Variants in COL5A2 observed in about 807,000 individuals in gnomAD.
COL5A2 encodes the protein collagen type V alpha 2 chain.
COL5A2 carries 23 observed loss-of-function variants against 208.2 expected under a neutral mutation model. That is an observed-to-expected ratio of 0.11 (90% CI 0.08 to 0.16). The LOEUF is 0.16. COL5A2 is among the 10% of genes least tolerant of loss of function. COL5A2 has a pLI of 1.00. For missense variants in COL5A2, 1,590 were observed against 1,956.4 expected, an observed-to-expected ratio of 0.81 and a Z score of 3.53; for synonymous variants, 625 against 628.5, an observed-to-expected ratio of 0.99 and a Z score of 0.08.
In COL5A2 at chr2:189,072,106, AC is replaced by A; in HGVS notation, c.1105-14del. 6.3e-7 allele frequency: 1 copy of A among 1,596,934 alleles called. No individual in the cohort carries two copies. The highest frequency in any genetic ancestry group is 8.6e-7 in the Non-Finnish European group (1 of 1,166,380). On this transcript the variant is annotated splice_polypyrimidine_tract_variant and intron_variant, in intron 17 of 53. Transcript: ENST00000374866. ...TCCCAAGAGGACCCTATTAAAAGAAACCAGAAAAGTAATCAGACATGTATTC... is the reference window on the plus strand; with the variant it reads ...TCCCAAGAGGACCCTATTAAAAGAAACAGAAAAGTAATCAGACATGTATTC...
At chr2:189,387,824 T>C in the COL5A2 span, among the ~76,000 whole-genome samples, 272 of 152,308 alleles carry the variant, frequency 1.8e-3, 1 homozygote, top group Admixed American at 3.7e-3. Context: ...AGTAATCTTA[T>C]AGAAAGATGG....
chr2:189,242,340 A>C, the COL5A2 span, among the ~76,000 whole-genome samples: 2 of 152,218 alleles, frequency 1.3e-5, no homozygotes, highest in African/African-American at 4.8e-5. Flanking sequence ...TATGGTAGGT[A>C]CTGTTATTTT....
the COL5A2 span, among the ~76,000 whole-genome samples, chr2:189,330,595 T>C: frequency 6.6e-6 from 1 of 152,208 alleles, no homozygotes; most frequent in East Asian, 1.9e-4. Context: ...CAGAAATCTC[T>C]GTCCGTTGAG....
At chr2:189,145,400 A>C (rs527596771) in intron 1 of COL5A2, among the ~76,000 whole-genome samples, 10 of 152,302 alleles carry the variant, frequency 6.6e-5, no homozygotes, top group African/African-American at 9.6e-5. Context: ...CAGTAATGCA[A>C]ATATACTATA....
chr2:189,208,995 G>A lies in COL5A2; in HGVS notation c.-42+16153C>T, dbSNP rs537401245. 1.1e-4 allele frequency among the ~76,000 whole-genome samples: 17 copies of A among 152,242 alleles called. 1 individual carries two copies. Among genetic ancestry groups the A allele is most frequent in the South Asian group, 6.2e-4 (3 of 4,818 alleles). On this transcript the variant is annotated intron_variant, in intron 1 of 10. Coordinates refer to the COL5A2 transcript ENST00000649966. ...ACAACTGGCCTCATCTGGCCCCCTC[G>A]GAGGTACTAGTAGCATGCAGGCAGT... is the stretch of plus-strand genomic sequence containing the variant.
chr2:189,158,420 T>G (rs927600558), intron 1 of COL5A2, among the ~76,000 whole-genome samples: 4 of 151,844 alleles, frequency 2.6e-5, no homozygotes, highest in Admixed American at 2.6e-4. Context: ...ATTCAAGAGG[T>G]CCCTAACATT....
the COL5A2 span, among the ~76,000 whole-genome samples, chr2:189,248,320 A>C: frequency 2.6e-5 from 4 of 152,316 alleles, no homozygotes; most frequent in African/African-American, 9.6e-5. Flanking sequence ...AAAATTGGAG[A>C]AGAAACAGAT....
Position 189,083,975 on chromosome 2 carries a change from T to TCC in COL5A2, c.852+8_852+9insGG, listed in dbSNP as rs1422850808. ...TCAAAGTTTGCCTTTATGTTGAGTA[T>TCC]AAACTTACCGGAGATCCTGCAAATC... On this transcript the variant is annotated intron_variant, in intron 12 of 53. Transcript: ENST00000374866. The TCC allele has an allele frequency of 6.2e-7, 1 of 1,606,094 alleles. No homozygotes were observed. The highest frequency in any genetic ancestry group is 8.5e-7 in the Non-Finnish European group (1 of 1,172,926).
At chr2:189,116,769 G>A (rs1559111900) in intron 1 of COL5A2, among the ~76,000 whole-genome samples, 1 of 152,278 alleles carries the variant, frequency 6.6e-6, no homozygotes, top group South Asian at 2.1e-4. Flanking sequence ...CTGAACAAGA[G>A]TAGGCATTCA....
chr2:189,405,943 G>A, the COL5A2 span, among the ~76,000 whole-genome samples: 8 of 152,192 alleles, frequency 5.3e-5, no homozygotes, highest in South Asian at 2.1e-4. Context: ...TAAAATCCCC[G>A]TTTTCTATTT....
the COL5A2 span, among the ~76,000 whole-genome samples, chr2:189,332,457 A>T: frequency 6.6e-6 from 1 of 152,190 alleles, no homozygotes; most frequent in African/African-American, 2.4e-5. Context: ...CTCCAACCAA[A>T]TCGCATCTTG....
In COL5A2 at chr2:189,103,214, G is replaced by A. The variant is rs557217831; in HGVS notation, c.336+1050C>T. ...ATCTGCTAAGTTTCAATTTATTTTC[G>A]TTTTCACAATAAATTAAATGTGAAA... On this transcript the variant is annotated intron_variant, in intron 3 of 53. Coordinates refer to ENST00000374866, the MANE Select transcript of COL5A2 (RefSeq NM_000393.5). 4.0e-5 allele frequency among the ~76,000 whole-genome samples: 6 copies of A among 151,898 alleles called. No homozygotes were observed. In the South Asian group the frequency reaches 8.3e-4, roughly 21 times the overall value.
chr2:189,094,892 C>G (rs573699250), intron 6 of COL5A2, among the ~76,000 whole-genome samples: 1 of 151,240 alleles, frequency 6.6e-6, no homozygotes, highest in African/African-American at 2.4e-5. Context: ...GTATCTCATA[C>G]TGAACTACTG....
At chr2:189,251,203 AT>A in the COL5A2 span, among the ~76,000 whole-genome samples, 1 of 152,202 alleles carries the variant, frequency 6.6e-6, no homozygotes, top group East Asian at 1.9e-4. Flanking sequence ...AGTTAGAAAA[AT>A]ATCCTCTAAT....
chr2:189,179,921 G>A (rs2105832310), upstream of COL5A2: 1 of 530,132 alleles, frequency 1.9e-6, no homozygotes, highest in Non-Finnish European at 3.3e-6. Context: ...GCGTCTCTGT[G>A]CCTGAACTTT....
the COL5A2 span, among the ~76,000 whole-genome samples, chr2:189,234,198 T>C: frequency 6.7e-3 from 1,019 of 151,880 alleles, 9 homozygotes; most frequent in Middle Eastern, 0.027. Flanking sequence ...CCTAAGTAAA[T>C]TGCAAACTAT....
intron 1 of COL5A2, among the ~76,000 whole-genome samples, chr2:189,113,188 G>C (rs1687316767): frequency 6.6e-6 from 1 of 152,156 alleles, no homozygotes; most frequent in Admixed American, 6.5e-5. Flanking sequence ...CCAGCATGTT[G>C]GGAGGCCAAG....
At chr2:189,206,615 A>G (rs1484066305) in intron 1 of COL5A2, among the ~76,000 whole-genome samples, 1 of 152,228 alleles carries the variant, frequency 6.6e-6, no homozygotes, top group Admixed American at 6.5e-5. Flanking sequence ...TAACCACCAG[A>G]GGAAAGGAAA....
intron 8 of COL5A2, 106 bp downstream of exon 8, chr2:189,088,589 G>T: frequency 1.2e-6 from 1 of 847,258 alleles, no homozygotes; most frequent in Non-Finnish European, 2.1e-6. Flanking sequence ...GTACGACTGT[G>T]TTTAAGAAGA....
Sources: gnomAD v4.1 joint callset for allele counts (sites outside exome capture counted in the v4.1 genomes callset) on GRCh38, gnomAD v4.1.1 for gene constraint, MANE v1.5 for transcripts, NCBI Gene and HGNC (gene_info 2026-07-23, HGNC 2026-07-21) for gene names.